Variants in CSMD3 observed in about 807,000 individuals in gnomAD.
The protein encoded by CSMD3 is CUB and sushi domain-containing protein 3.
In CSMD3, 177 loss-of-function variants were observed where a neutral mutation model predicts 435.2. The observed-to-expected ratio is 0.41, with a 90% confidence interval of 0.36 to 0.46. CSMD3 has a LOEUF of 0.46. Among genes scored for constraint, CSMD3 ranks in the 20% least tolerant of loss-of-function variants. The pLI is 0.34. For synonymous variants in CSMD3, 1,656 were observed against 1,520.5 expected (o/e 1.09, Z -2.07); for missense variants, 4,265 against 4,504.6 (o/e 0.95, Z 1.52).
intron 2 of CSMD3, among the ~76,000 whole-genome samples, chr8:113,281,702 C>T (rs1172259542): frequency 1.3e-5 from 2 of 151,756 alleles, no homozygotes; most frequent in African/African-American, 4.8e-5. Flanking sequence ...ACATCGTGCA[C>T]TTTGTTGCCT....
At chr8:112,397,369 TA>T (rs1830940311) in intron 35 of CSMD3, among the ~76,000 whole-genome samples, 1 of 152,174 alleles carries the variant, frequency 6.6e-6, no homozygotes. Context: ...AGAATATTTT[TA>T]AAACGGTATA....
At chr8:113,344,703 A>G (rs2094140939) in intron 1 of CSMD3, among the ~76,000 whole-genome samples, 1 of 152,186 alleles carries the variant, frequency 6.6e-6, no homozygotes, top group Non-Finnish European at 1.5e-5. Flanking sequence ...ACACAGTTTC[A>G]TATTCCAGCA....
intron 10 of CSMD3, among the ~76,000 whole-genome samples, chr8:112,905,801 G>A (rs1029000294): frequency 7.3e-5 from 11 of 151,322 alleles, no homozygotes; most frequent in African/African-American, 2.2e-4. Context: ...TCTGACCTAC[G>A]AGTCTTTGGA....
At chr8:112,697,255 C>A (rs1285084843) in intron 13 of CSMD3, among the ~76,000 whole-genome samples, 1 of 152,156 alleles carries the variant, frequency 6.6e-6, no homozygotes, top group Non-Finnish European at 1.5e-5. Flanking sequence ...ATAAATCATG[C>A]TGCTATAAAG....
At chr8:112,768,115 T>A (rs1488178081) in intron 13 of CSMD3, among the ~76,000 whole-genome samples, 1 of 151,598 alleles carries the variant, frequency 6.6e-6, no homozygotes, top group Non-Finnish European at 1.5e-5. Context: ...TTTCTTTTAA[T>A]CAAAACTCAG....
rs1325305870 is a variant in CSMD3, at chr8:113,421,917, G to A, written c.178+14760C>T. ...TCCATTTGCCCAAGGACAGGTTTGA[G>A]TGATTACTGGGAAACATTATCTGAA... On this transcript the variant is annotated intron_variant, in intron 1 of 70. Transcript: ENST00000297405. Among the ~76,000 whole-genome samples the A allele has an allele frequency of 3.9e-5, 6 of 152,294 alleles. No homozygotes were observed. The East Asian group carries it at 1.2e-3, about 29-fold the overall frequency.
At chr8:112,876,073 T>C (rs904759326) in intron 10 of CSMD3, among the ~76,000 whole-genome samples, 1 of 152,056 alleles carries the variant, frequency 6.6e-6, no homozygotes, top group Non-Finnish European at 1.5e-5. Context: ...CGGTCTTTGA[T>C]GTCGGTGACC....
intron 5 of CSMD3, among the ~76,000 whole-genome samples, chr8:113,083,754 T>G (rs2089653140): frequency 6.6e-6 from 1 of 152,130 alleles, no homozygotes; most frequent in African/African-American, 2.4e-5. Flanking sequence ...GAGGATCACT[T>G]GAGCCCAGGA....
chr8:113,428,897 G>A (rs1052517965), intron 1 of CSMD3, among the ~76,000 whole-genome samples: 1 of 151,596 alleles, frequency 6.6e-6, no homozygotes, highest in African/African-American at 2.4e-5. Flanking sequence ...ATTTTTTAAT[G>A]TCATAGTTAA....
intron 5 of CSMD3, among the ~76,000 whole-genome samples, chr8:113,062,285 A>G (rs2088650715): frequency 6.6e-6 from 1 of 151,950 alleles, no homozygotes; most frequent in African/African-American, 2.4e-5. Context: ...AGAAGTTTGT[A>G]CTAAATACAA....
At chr8:112,618,869 C>T (rs1426400301) in intron 22 of CSMD3, among the ~76,000 whole-genome samples, 1 of 151,974 alleles carries the variant, frequency 6.6e-6, no homozygotes, top group Non-Finnish European at 1.5e-5. Flanking sequence ...GGGCTTAATT[C>T]ACTTCAAATA....
At chr8:113,204,006 C>T (rs548336084) in intron 3 of CSMD3, among the ~76,000 whole-genome samples, 161 of 151,974 alleles carry the variant, frequency 1.1e-3, no homozygotes, top group Middle Eastern at 0.01. Context: ...ACCTCTATTT[C>T]CCCCCTATAC....
chr8:112,575,340 T>G (rs1829856215), intron 23 of CSMD3, among the ~76,000 whole-genome samples: 1 of 152,046 alleles, frequency 6.6e-6, no homozygotes, highest in Non-Finnish European at 1.5e-5. Flanking sequence ...TACAGTTTGT[T>G]TACTTGTTCT....
intron 10 of CSMD3, among the ~76,000 whole-genome samples, chr8:112,908,069 T>A (rs757460949): frequency 2.6e-5 from 4 of 151,586 alleles, no homozygotes; most frequent in Non-Finnish European, 4.4e-5. Flanking sequence ...GTAGTTAAAG[T>A]AATACAGCAA....
intron 22 of CSMD3, among the ~76,000 whole-genome samples, chr8:112,608,994 T>C (rs1423666099): frequency 6.6e-6 from 1 of 151,518 alleles, no homozygotes; most frequent in Admixed American, 6.6e-5. Context: ...GATAAACAGA[T>C]GGAACTACAT....
At chr8:113,122,010 A>G (rs1036757522) in intron 4 of CSMD3, among the ~76,000 whole-genome samples, 10 of 152,140 alleles carry the variant, frequency 6.6e-5, no homozygotes, top group Non-Finnish European at 7.4e-5. Flanking sequence ...TTTTGTGTTC[A>G]GTACGACTTT....
chr8:112,622,384 A>G (rs183891379), intron 22 of CSMD3, among the ~76,000 whole-genome samples: 2 of 152,294 alleles, frequency 1.3e-5, no homozygotes, highest in East Asian at 3.9e-4. Flanking sequence ...TCATAAATAT[A>G]AGTGACTGAA....
intron 16 of CSMD3, among the ~76,000 whole-genome samples, chr8:112,680,217 G>A (rs961916907): frequency 2.6e-5 from 4 of 152,118 alleles, no homozygotes; most frequent in Admixed American, 6.5e-5. Flanking sequence ...AATTAGATGG[G>A]TGTGGTGATG....
At chr8:113,134,512 A>G (rs1168886647) in intron 4 of CSMD3, among the ~76,000 whole-genome samples, 1 of 152,082 alleles carries the variant, frequency 6.6e-6, no homozygotes, top group Non-Finnish European at 1.5e-5. Flanking sequence ...GCCTGTAAGA[A>G]CACAGTCACT....
Sources: allele counts gnomAD v4.1 joint callset (sites outside exome capture counted in the v4.1 genomes callset), GRCh38; gene constraint gnomAD v4.1.1; transcripts MANE v1.5; gene names NCBI Gene and HGNC (gene_info 2026-07-23, HGNC 2026-07-21).